TMEM272: variants seen among roughly 807,000 people sequenced by gnomAD.
TMEM272 encodes the protein long intergenic non-protein coding RNA 282.
In TMEM272, 8 loss-of-function variants were observed where a neutral mutation model predicts 3.7. That is an observed-to-expected ratio of 2.17 (90% CI 1.27 to 3.91). The LOEUF (loss-of-function observed/expected upper bound fraction) is 3.91, where lower values mean the gene tolerates loss of function less well. Ranked by LOEUF, TMEM272 falls within the 30% of genes most tolerant of loss-of-function variation. The pLI is 0.00. For synonymous variants in TMEM272, 63 were observed against 39.8 expected (o/e 1.58, Z -2.20); for missense variants, 166 against 91.5 (o/e 1.81, Z -3.32).
chr13:51,822,659 T>A lies in TMEM272; in HGVS notation c.119-522A>T, dbSNP rs147488174. 2.0e-3 allele frequency among the ~76,000 whole-genome samples: 307 copies of A among 152,286 alleles called. 1 individual carries two copies. Among genetic ancestry groups the A allele is most frequent in the African/African-American group, 7.1e-3 (295 of 41,564 alleles). ...CTGTGCAGCAAGCCCTCTGCCGTGT[T>A]AGTCACAGTCACCATATGATAACCA... On this transcript the variant is annotated intron_variant, in intron 3 of 4. Transcript: ENST00000629372.
chr13:51,910,185 A>ATC, the TMEM272 span: 1 of 1,104,150 alleles, frequency 9.1e-7, no homozygotes, highest in African/African-American at 1.5e-5. Context: ...TTCTAGACAG[A>ATC]GTATTTCATG....
chr13:51,887,101 G>A, the TMEM272 span, among the ~76,000 whole-genome samples: 136 of 152,242 alleles, frequency 8.9e-4, no homozygotes, highest in East Asian at 3.7e-3. Flanking sequence ...CTTTTGAGCC[G>A]CTACTAAGTC....
At chr13:51,929,353 G>T in the TMEM272 span, among the ~76,000 whole-genome samples, 2 of 152,208 alleles carry the variant, frequency 1.3e-5, no homozygotes, top group Non-Finnish European at 2.9e-5. Context: ...TACAGGTGTT[G>T]CATATATTGT....
chr13:51,903,692 C>G, the TMEM272 span, among the ~76,000 whole-genome samples: 29 of 152,270 alleles, frequency 1.9e-4, no homozygotes, highest in South Asian at 3.3e-3. Context: ...AGGCAGAGTG[C>G]TATTTCCAGA....
At chr13:51,897,646 G>T in the TMEM272 span, among the ~76,000 whole-genome samples, 2 of 152,052 alleles carry the variant, frequency 1.3e-5, no homozygotes, top group African/African-American at 4.8e-5. Context: ...CTAGAACAAG[G>T]CTGGGCGCAG....
chr13:51,865,780 C>G, the TMEM272 span: 2 of 1,614,160 alleles, frequency 1.2e-6, no homozygotes, highest in Non-Finnish European at 1.7e-6. Flanking sequence ...AGGATAAGGC[C>G]TTCTGGAAAG....
chr13:51,829,825 A>G (rs958230576), intron 2 of TMEM272, among the ~76,000 whole-genome samples: 4 of 152,144 alleles, frequency 2.6e-5, no homozygotes, highest in Admixed American at 1.3e-4. Context: ...CAGCTGTGGC[A>G]TAAGGGTTAT....
At chr13:51,821,717 AGCG>A (rs1395462141) in intron 4 of TMEM272, among the ~76,000 whole-genome samples, 11 of 142,990 alleles carry the variant, frequency 7.7e-5, no homozygotes, top group East Asian at 2.2e-4. Context: ...CAGCAGCAGC[AGCG>A]CAGAGAAAGA....
upstream of TMEM272, among the ~76,000 whole-genome samples, chr13:51,848,352 G>A (rs1041469172): frequency 1.3e-5 from 2 of 152,154 alleles, no homozygotes; most frequent in African/African-American, 2.4e-5. Context: ...TTCAGGCCAC[G>A]TGATAGAGTC....
At chr13:51,820,643 T>G (rs1361219455) in intron 4 of TMEM272, among the ~76,000 whole-genome samples, 2 of 152,152 alleles carry the variant, frequency 1.3e-5, no homozygotes, top group Non-Finnish European at 2.9e-5. Context: ...CTGGGCAGCT[T>G]GACGATGAGT....
the TMEM272 span, among the ~76,000 whole-genome samples, chr13:51,889,297 A>C: frequency 6.6e-6 from 1 of 152,146 alleles, no homozygotes; most frequent in African/African-American, 2.4e-5. Context: ...TCCTTCTAAA[A>C]TTCATATGTT....
chr13:51,830,152 T>C (rs774096144), intron 2 of TMEM272, among the ~76,000 whole-genome samples: 1 of 152,264 alleles, frequency 6.6e-6, no homozygotes, highest in Non-Finnish European at 1.5e-5. Context: ...CCACTTCTTA[T>C]GAAGGCTCTT....
At chr13:51,883,681 G>A in the TMEM272 span, among the ~76,000 whole-genome samples, 105 of 152,288 alleles carry the variant, frequency 6.9e-4, 1 homozygote, top group Admixed American at 5.7e-3. Flanking sequence ...CCGGCAGCTC[G>A]GTTTTCAGGC....
At chr13:51,834,798 G>A (rs1033365080) in intron 2 of TMEM272, among the ~76,000 whole-genome samples, 1 of 152,198 alleles carries the variant, frequency 6.6e-6, no homozygotes, top group African/African-American at 2.4e-5. Flanking sequence ...TGGGTTCACT[G>A]CACTTGTCCG....
the TMEM272 span, among the ~76,000 whole-genome samples, chr13:51,870,258 T>C: frequency 7.9e-5 from 12 of 151,872 alleles, no homozygotes; most frequent in Non-Finnish European, 1.3e-4. Context: ...TTTGGTTTTT[T>C]TTGTGTGTGT....
chr13:51,909,024 T>C, the TMEM272 span: 29 of 1,472,974 alleles, frequency 2.0e-5, no homozygotes, highest in Non-Finnish European at 2.5e-5. Context: ...AGTCGGAAGA[T>C]AGAGAAAAGC....
chr13:51,856,589 G>A, the TMEM272 span, among the ~76,000 whole-genome samples: 1,020 of 152,248 alleles, frequency 6.7e-3, 10 homozygotes, highest in South Asian at 0.021. Flanking sequence ...GAAGCAAGAT[G>A]GAGTCAACTA....
Position 51,816,853 on chromosome 13 carries a change from G to A in TMEM272, c.462C>T (p.Val154=), listed in dbSNP as rs115508018. The change falls in exon 5 of 5, where the codon GTC becomes GTT. Residue 154 remains valine (V), a synonymous_variant. Transcript: ENST00000629372. ...CAGTGTGACTGAGCGCCAGGACTCC[G>A]ACTGCAAAGAGGTACAGGGTTTTGT... ...YCDKTLYLFA[V]GVLALSHTVL... 3.6e-3 allele frequency: 2,533 copies of A among 702,978 alleles called. 58 individuals carry two copies. In the African/African-American group the frequency reaches 0.039, roughly 11 times the overall value. The allele number at this position is 702,978 out of a possible 1,614,324, so 43.5% of individuals were successfully genotyped here.
upstream of TMEM272, among the ~76,000 whole-genome samples, chr13:51,847,053 T>A (rs1018634126): frequency 2.0e-5 from 3 of 152,194 alleles, no homozygotes; most frequent in African/African-American, 7.2e-5. Flanking sequence ...CATTTTTTAA[T>A]CCTTCATATC....
Sources: gnomAD v4.1 joint callset for allele counts (sites outside exome capture counted in the v4.1 genomes callset) on GRCh38, gnomAD v4.1.1 for gene constraint, MANE v1.5 for transcripts, NCBI Gene and HGNC (gene_info 2026-07-23, HGNC 2026-07-21) for gene names.